The following PLA1A variants were observed in gnomAD, a reference collection of about 807,000 sequenced individuals.
PLA1A encodes the protein phosphatidylserine-specific phospholipase A1alpha.
PLA1A carries 47 observed loss-of-function variants against 49.4 expected under a neutral mutation model. That is an observed-to-expected ratio of 0.95 (90% CI 0.75 to 1.21). The LOEUF is 1.21. Among genes scored for constraint, PLA1A ranks in the 50% most tolerant of loss-of-function variants. PLA1A has a pLI of 0.00. For missense variants in PLA1A, 561 were observed against 563.9 expected (o/e 0.99, Z 0.05); for synonymous variants, 224 against 207.9 (o/e 1.08, Z -0.67).
chr3:119,629,003 T>C (rs768402295), intron 10 of PLA1A, 138 bp downstream of exon 10: 293 of 754,676 alleles, frequency 3.9e-4, no homozygotes, highest in Middle Eastern at 6.8e-4. Flanking sequence ...AGACACCCGG[T>C]GTTTTCCAGA....
chr3:119,606,933 T>C lies in PLA1A; in HGVS notation c.233T>C (p.Phe78Ser), dbSNP rs2082697462. 1.9e-6 allele frequency: 3 copies of C among 1,614,172 alleles called. No homozygotes were observed. The highest frequency in any genetic ancestry group is 2.5e-6 in the Non-Finnish European group (3 of 1,180,008). ...AGCAGTGACCTCCAAAACTCTGGGT[T>C]CAATGCCACTCTGGGAACCAAACTA... ...EGSSDLQNSGFNATLGTKLII... is the reference protein window; with the variant it reads ...EGSSDLQNSGSNATLGTKLII... The change falls in exon 2 of 11, where the codon TTC (phenylalanine) becomes TCC (serine). Residue 78 changes from phenylalanine (F) to serine (S), a missense_variant. Transcript: ENST00000273371.
chr3:119,616,656 G>T (rs2082852287), intron 6 of PLA1A, among the ~76,000 whole-genome samples: 1 of 152,118 alleles, frequency 6.6e-6, no homozygotes, highest in Non-Finnish European at 1.5e-5. Flanking sequence ...GCTGATTTCT[G>T]TTTACTATGT....
At chr3:119,613,161 G>A in intron 5 of PLA1A, 43 bp downstream of exon 5, 2 of 1,355,932 alleles carry the variant, frequency 1.5e-6, no homozygotes, top group Non-Finnish European at 2.1e-6. Context: ...ATGAGCTCAA[G>A]GCAGCGCCTA....
At chr3:119,607,293 G>A (rs1232299730) in intron 2 of PLA1A, among the ~76,000 whole-genome samples, 1 of 152,106 alleles carries the variant, frequency 6.6e-6, no homozygotes, top group Non-Finnish European at 1.5e-5. Flanking sequence ...CTTCTTCCTT[G>A]GTTTTATGAC....
At position 119,625,232 on chromosome 3, in the gene PLA1A, T is replaced by C. The variant is rs2052500971; in HGVS notation, c.1121T>C (p.Ile374Thr). The change falls in exon 9 of 11, where the codon ATA becomes ACA. Residue 374 changes from isoleucine (I) to threonine (T), a missense_variant and splice_region_variant. Coordinates refer to ENST00000273371, the MANE Select transcript of PLA1A (RefSeq NM_015900.4). ...ATCACCTCTTCATCTAAGATCACCA[T>C]GTACGTAAGTGTCCCACCTGGTTGA... ...SNITSSSKIT[I>T]PKQQRYGKGI... 2 of 1,581,966 alleles carry C rather than the reference T, an allele frequency of 1.3e-6. No homozygotes were observed. Among genetic ancestry groups the C allele is most frequent in the Non-Finnish European group, 1.7e-6 (2 of 1,150,784 alleles).
At chr3:119,608,219 A>AG (rs1491249423) in intron 2 of PLA1A, among the ~76,000 whole-genome samples, 1,155 of 83,078 alleles carry the variant, frequency 0.014, 6 homozygotes, top group East Asian at 0.083. Flanking sequence ...AGAAAGAAAG[A>AG]AAGAAAGAGA....
At position 119,628,007 on chromosome 3, in the gene PLA1A, T is replaced by TGG. The variant is rs397775822; in HGVS notation, c.1122-688_1122-687dup. 2.4e-4 allele frequency among the ~76,000 whole-genome samples: 36 copies of TGG among 151,836 alleles called. No homozygotes were observed. In the East Asian group the frequency reaches 2.5e-3, roughly 11 times the overall value. On this transcript the variant is annotated intron_variant, in intron 9 of 10. Coordinates refer to ENST00000273371, the MANE Select transcript of PLA1A (RefSeq NM_015900.4). Reference sequence around the variant, plus strand: ...TGAATCTTTAAACATAAAGGGAATCTGGGGGGGCAAAGCCAAGAGGCTGGG... The same window carrying TGG: ...TGAATCTTTAAACATAAAGGGAATCTGGGGGGGGGCAAAGCCAAGAGGCTGGG...
At chr3:119,627,292 C>T (rs1438860490) in intron 9 of PLA1A, among the ~76,000 whole-genome samples, 1 of 152,190 alleles carries the variant, frequency 6.6e-6, no homozygotes, top group Non-Finnish European at 1.5e-5. Flanking sequence ...TTATGCGACG[C>T]TAAGATTTCC....
chr3:119,613,147 G>A, intron 5 of PLA1A, 29 bp downstream of exon 5: 1 of 1,471,422 alleles, frequency 6.8e-7, no homozygotes, highest in Non-Finnish European at 9.4e-7. Context: ...CCTGGGATGA[G>A]GGAATGAGCT....
At chr3:119,615,042 A>T (rs566271381) in intron 5 of PLA1A, among the ~76,000 whole-genome samples, 12 of 152,346 alleles carry the variant, frequency 7.9e-5, no homozygotes, top group African/African-American at 2.4e-4. Context: ...GATGGGCTGC[A>T]TGTGGGGTAT....
At chr3:119,627,705 G>GA (rs2052562668) in intron 9 of PLA1A, among the ~76,000 whole-genome samples, 1 of 152,012 alleles carries the variant, frequency 6.6e-6, no homozygotes, top group Non-Finnish European at 1.5e-5. Flanking sequence ...TTCCAGGGAG[G>GA]ATCACAAAGG....
chr3:119,600,675 G>A (rs2688637), intron 1 of PLA1A, among the ~76,000 whole-genome samples: 42,924 of 152,068 alleles, frequency 0.28, 8,522 homozygotes, highest in African/African-American at 0.55. Context: ...ACTTCCTGAC[G>A]TTAGGCAGAT....
chr3:119,603,543 T>C (rs553501806), intron 1 of PLA1A, among the ~76,000 whole-genome samples: 31 of 152,362 alleles, frequency 2.0e-4, no homozygotes, highest in African/African-American at 5.8e-4. Context: ...TACTGTGGTA[T>C]TCTTTTCTGA....
intron 8 of PLA1A, among the ~76,000 whole-genome samples, chr3:119,624,649 T>TC (rs2082990833): frequency 6.6e-6 from 1 of 151,434 alleles, no homozygotes; most frequent in African/African-American, 2.4e-5. Context: ...TTTTTTTTTT[T>TC]AGACGGAGTC....
intron 2 of PLA1A, among the ~76,000 whole-genome samples, chr3:119,608,300 A>AAAG (rs2082721871): frequency 1.4e-5 from 2 of 146,294 alleles, no homozygotes; most frequent in African/African-American, 5.0e-5. Flanking sequence ...AAGAAAGAAA[A>AAAG]AGAAAATGTC....
chr3:119,612,109 T>C (rs1448577526), intron 4 of PLA1A, among the ~76,000 whole-genome samples: 1 of 152,194 alleles, frequency 6.6e-6, no homozygotes, highest in Non-Finnish European at 1.5e-5. Context: ...GGTCTTGTTT[T>C]ACAGAATCTC....
At chr3:119,620,049 T>C (rs959794056) in intron 8 of PLA1A, 2 of 459,988 alleles carry the variant, frequency 4.3e-6, no homozygotes, top group East Asian at 6.8e-5. Flanking sequence ...ACTGAACCTT[T>C]CCCTCTGGTC....
chr3:119,602,121 T>C (rs1402332350), intron 1 of PLA1A, among the ~76,000 whole-genome samples: 2 of 152,202 alleles, frequency 1.3e-5, no homozygotes, highest in East Asian at 3.8e-4. Flanking sequence ...GAAAGTAGCC[T>C]TTAGTTTTTC....
At chr3:119,626,367 G>A (rs533635231) in intron 9 of PLA1A, among the ~76,000 whole-genome samples, 38 of 152,344 alleles carry the variant, frequency 2.5e-4, no homozygotes, top group African/African-American at 8.9e-4. Context: ...ACACTTAAAT[G>A]AGTGAGCAAT....
Sources: gnomAD v4.1 joint callset for allele counts (sites outside exome capture counted in the v4.1 genomes callset) on GRCh38, gnomAD v4.1.1 for gene constraint, MANE v1.5 for transcripts, NCBI Gene and HGNC (gene_info 2026-07-23, HGNC 2026-07-21) for gene names.